The following BOD1L1 variants were observed in gnomAD, a reference collection of about 807,000 sequenced individuals.
BOD1L1 encodes the protein biorientation of chromosomes in cell division protein 1-like 1.
Under a neutral mutation model 240.7 loss-of-function variants are expected in BOD1L1, and 86 were observed. That is an observed-to-expected ratio of 0.36 (90% confidence interval 0.30 to 0.43). BOD1L1 has a LOEUF of 0.43. Ranked by LOEUF, BOD1L1 falls within the 20% of genes least tolerant of loss-of-function variation. The pLI is 1.00. For synonymous variants in BOD1L1, 1,268 were observed against 1,272.3 expected (o/e 1.00, Z 0.07); for missense variants, 3,554 against 3,643.5 (o/e 0.98, Z 0.63).
Position 13,601,860 on chromosome 4 carries a change from A to C in BOD1L1, c.5040T>G (p.Phe1680Leu), listed in dbSNP as rs1326232526. 6.2e-7 allele frequency: 1 copy of C among 1,613,972 alleles called. No individual in the cohort carries two copies. Among genetic ancestry groups the C allele is most frequent in the South Asian group, 1.1e-5 (1 of 91,086 alleles). ...CTCCATCACTTTCAACTTCACTAAT[A>C]AAAGTAATAGTTCCTTCAACTATTT... Reference protein sequence around the residue: ...DSEIVEGTITFISEVESDGAV... With the variant: ...DSEIVEGTITLISEVESDGAV... The change falls in exon 10 of 26, where the codon TTT becomes TTG. Residue 1680 changes from phenylalanine (F) to leucine (L), a missense_variant. Physicochemically the swap from Phe to Leu is conservative, Grantham distance 22. Around this residue, in one of 2 missense-constraint regions of BOD1L1, gnomAD observed 3,393 missense variants for 3,427.1 expected, o/e 0.99. Transcript: ENST00000040738.
Position 13,603,712 on chromosome 4 carries a change from T to C in BOD1L1, c.3188A>G (p.Glu1063Gly). 1.2e-6 allele frequency: 2 copies of C among 1,614,010 alleles called. No individual in the cohort carries two copies. Among genetic ancestry groups the C allele is most frequent in the Non-Finnish European group, 1.7e-6 (2 of 1,179,878 alleles). ...GCACAACCTTCTACTTAATTTCTTT[T>C]CCATGAGTGAACTATTACCTCTGGC... ...EKARGNSSLM[E>G]KKLSRRLCEN... Residue 1063 changes from glutamate (E) to glycine (G), a missense_variant, in exon 10 of 26, where the codon GAA (glutamate) becomes GGA (glycine). Glu to Gly is a moderately conservative substitution (Grantham distance 98). Around this residue, in one of 2 missense-constraint regions of BOD1L1, gnomAD observed 3,393 missense variants for 3,427.1 expected, o/e 0.99. Transcript: ENST00000040738.
At position 13,599,245 on chromosome 4, in the gene BOD1L1, A is replaced by G; in HGVS notation, c.7655T>C (p.Leu2552Pro). The G allele has an allele frequency of 6.2e-7, 1 of 1,613,788 alleles. No homozygotes were observed. The highest frequency in any genetic ancestry group is 8.5e-7 in the Non-Finnish European group (1 of 1,179,762). The change falls in exon 10 of 26, where the codon CTT (leucine) becomes CCT (proline). Residue 2552 changes from leucine to proline, a missense_variant. By Grantham distance (98) the Leu-to-Pro change is moderately conservative. This residue lies in a region of BOD1L1 where 3,393 missense variants were observed against 3,427.1 expected (regional missense o/e 0.99). Transcript: ENST00000040738. Reference protein sequence around the residue: ...VQGTVAEHSFLPAEQQGSEDN... With the variant: ...VQGTVAEHSFPPAEQQGSEDN... ...TTCAGACCCCTGCTGCTCAGCAGGA[A>G]GAAAGGAATGCTCAGCCACGGTCCC...
At position 13,590,406 on chromosome 4, in the gene BOD1L1, C is replaced by T. The variant is rs1714108560; in HGVS notation, c.8189G>A (p.Ser2730Asn). ...SGFRTNEEIHSESYNKGEISS... is the reference protein window; with the variant it reads ...SGFRTNEEIHNESYNKGEISS... ...CTTACCTCCTTTGTTATAAGATTCG[C>T]TATGAATTTCTTCATTTGTTCTGAA... The change falls in exon 14 of 26, where the codon AGC becomes AAC. Residue 2730 changes from serine to asparagine, a missense_variant. By Grantham distance (46) the Ser-to-Asn change is conservative. This residue lies in a region of BOD1L1 where 3,393 missense variants were observed against 3,427.1 expected (regional missense o/e 0.99). Transcript: ENST00000040738. 4 of 1,511,932 alleles carry T rather than the reference C, an allele frequency of 2.6e-6. No individual in the cohort carries two copies. Among genetic ancestry groups the T allele is most frequent in the Non-Finnish European group, 3.6e-6 (4 of 1,102,966 alleles). 93.7% of individuals were successfully genotyped at this position (1,511,932 alleles called of 1,614,324 possible).
At chr4:13,583,379 T>C (rs1713391188) in intron 17 of BOD1L1, among the ~76,000 whole-genome samples, 1 of 152,232 alleles carries the variant, frequency 6.6e-6, no homozygotes, top group Non-Finnish European at 1.5e-5. Flanking sequence ...TAAATCCTCA[T>C]TTCTATTAAT....
Position 13,588,760 on chromosome 4 carries a change from C to T in BOD1L1, c.8242G>A (p.Ala2748Thr). Residue 2748 changes from alanine to threonine, a missense_variant, in exon 15 of 26, where the codon GCC becomes ACC. Transcript: ENST00000040738. ...ISSGRKDNAE[A>T]ISGHSVEADP... ...GCTTCAACACTGTGACCGCTTATGG[C>T]TTCTGCGTTGTCTTTTCTACCACTG... 6.2e-7 allele frequency: 1 copy of T among 1,604,374 alleles called. No homozygotes were observed. Among genetic ancestry groups the T allele is most frequent in the Non-Finnish European group, 8.5e-7 (1 of 1,175,270 alleles).
At position 13,572,802 on chromosome 4, in the gene BOD1L1, G is replaced by A. The variant is rs907844493; in HGVS notation, c.9039-2674C>T. 3.1e-6 allele frequency: 4 copies of A among 1,289,672 alleles called. No homozygotes were observed. In the African/African-American group the frequency reaches 4.6e-5, roughly 15 times the overall value. 79.9% of individuals were successfully genotyped at this position (1,289,672 alleles called of 1,614,324 possible). A position where few individuals can be genotyped will look rare whatever the true frequency, so the allele number is the denominator to read the frequency against. On this transcript the variant is annotated intron_variant, in intron 25 of 25. Transcript: ENST00000040738. The stretch of plus-strand genomic sequence containing the variant: ...GGAGAAACTGTGTCTGGGCTGCCAA[G>A]TTTGGATGTTGCACGTGCAGATGGC...
chr4:13,597,207 T>C, intron 10 of BOD1L1, 39 bp from the exon 11 acceptor site: 1 of 1,516,558 alleles, frequency 6.6e-7, no homozygotes, highest in Non-Finnish European at 9.0e-7. Context: ...TTTAAGAATT[T>C]GCTTGCAAAA....
rs1328169779 is a variant in BOD1L1, at chr4:13,601,397, C to T, written c.5503G>A (p.Ala1835Thr). ...AATGGTACATTAGTGCCTTCTTTGGCCACTGTGCTGTCCATTGCACTCTCT... is the reference window on the plus strand; with the variant it reads ...AATGGTACATTAGTGCCTTCTTTGGTCACTGTGCTGTCCATTGCACTCTCT... ...NGESAMDSTV[A>T]KEGTNVPLVA... The change falls in exon 10 of 26, where the codon GCC (alanine) becomes ACC (threonine). Residue 1835 changes from alanine (A) to threonine (T), a missense_variant. This residue lies in a region of BOD1L1 where 3,393 missense variants were observed against 3,427.1 expected (regional missense o/e 0.99). Transcript: ENST00000040738. The T allele has an allele frequency of 1.2e-6, 2 of 1,613,926 alleles. No individual in the cohort carries two copies. Among genetic ancestry groups the T allele is most frequent in the Non-Finnish European group, 1.7e-6 (2 of 1,179,910 alleles).
intron 5 of BOD1L1, 60 bp from the exon 6 acceptor site, chr4:13,611,160 T>C: frequency 7.7e-7 from 1 of 1,299,408 alleles, no homozygotes; most frequent in Non-Finnish European, 1.1e-6. Context: ...ATCAACATTA[T>C]GCTGTACAAG....
chr4:13,581,484 G>GT (rs1367403621), intron 19 of BOD1L1, among the ~76,000 whole-genome samples: 1 of 152,188 alleles, frequency 6.6e-6, no homozygotes, highest in African/African-American at 2.4e-5. Context: ...TTTTACTTCT[G>GT]TAATAAGTAT....
intron 2 of BOD1L1, among the ~76,000 whole-genome samples, chr4:13,617,640 A>T (rs1716716332): frequency 6.6e-6 from 1 of 152,212 alleles, no homozygotes; most frequent in South Asian, 2.1e-4. Flanking sequence ...TCTGTTGTAC[A>T]AATAAAAGCT....
intron 2 of BOD1L1, among the ~76,000 whole-genome samples, chr4:13,619,335 G>A (rs914989272): frequency 2.0e-5 from 3 of 147,628 alleles, no homozygotes; most frequent in Non-Finnish European, 4.5e-5. Context: ...GTAGAAGACC[G>A]TAAATCTAGT....
At position 13,582,753 on chromosome 4, in the gene BOD1L1, A is replaced by G. The variant is rs941686069; in HGVS notation, c.8434-17T>C. ...GTTCTCTTCCTATAGAGAAGTTGAA[A>G]AAGACTAGAACCTTCTTCAAACTGA... On this transcript the variant is annotated splice_polypyrimidine_tract_variant and intron_variant, in intron 17 of 25. Coordinates refer to ENST00000040738, the MANE Select transcript of BOD1L1 (RefSeq NM_148894.3). 1 of 1,544,108 alleles carries G rather than the reference A, an allele frequency of 6.5e-7. No homozygotes were observed. The highest frequency in any genetic ancestry group is 1.4e-5 in the African/African-American group (1 of 73,380).
intron 2 of BOD1L1, among the ~76,000 whole-genome samples, 162 bp from the exon 3 acceptor site, chr4:13,615,664 C>T (rs1490114592): frequency 6.6e-6 from 1 of 152,202 alleles, no homozygotes; most frequent in African/African-American, 2.4e-5. Context: ...AACTAAGTTT[C>T]ATGCTACAGT....
intron 8 of BOD1L1, among the ~76,000 whole-genome samples, chr4:13,607,808 A>G (rs1715832590): frequency 6.6e-6 from 1 of 152,232 alleles, no homozygotes; most frequent in Admixed American, 6.5e-5. Context: ...CTTCAAAATT[A>G]CTATCTTTTG....
chr4:13,570,192 G>C, intron 25 of BOD1L1, 64 bp from the exon 26 acceptor site: 1 of 1,210,234 alleles, frequency 8.3e-7, no homozygotes, highest in Non-Finnish European at 1.1e-6. Context: ...TAACTTGGGA[G>C]TTCCTTAAAA....
chr4:13,606,262 T>C (rs898516577), intron 9 of BOD1L1, among the ~76,000 whole-genome samples: 1 of 152,204 alleles, frequency 6.6e-6, no homozygotes, highest in East Asian at 1.9e-4. Context: ...TAATTTCTTA[T>C]AGAGAATTAT....
chr4:13,572,139 T>C (rs1270748791), intron 25 of BOD1L1, among the ~76,000 whole-genome samples: 1 of 152,192 alleles, frequency 6.6e-6, no homozygotes, highest in African/African-American at 2.4e-5. Context: ...AAGTGCCCAG[T>C]ACTGACCAGA....
chr4:13,599,955 C>T lies in BOD1L1; in HGVS notation c.6945G>A (p.Arg2315=). The change falls in exon 10 of 26, where the codon CGG becomes CGA. Residue 2315 remains arginine (R), a synonymous_variant. Transcript: ENST00000040738. ...MIGAVLQDED[R]LTITRVEDLS... The stretch of plus-strand genomic sequence containing the variant: ...AGTCTTCTACTCTTGTGATGGTGAG[C>T]CGATCTTCATCCTGGAGGACAGCAC... 1.9e-6 allele frequency: 3 copies of T among 1,612,486 alleles called. No homozygotes were observed. The highest frequency in any genetic ancestry group is 2.5e-6 in the Non-Finnish European group (3 of 1,179,196).
Sources: allele counts gnomAD v4.1 joint callset (sites outside exome capture counted in the v4.1 genomes callset), GRCh38; gene constraint gnomAD v4.1.1; regional missense constraint gnomAD v4.1.1; transcripts MANE v1.5; gene names NCBI Gene and HGNC (gene_info 2026-07-23, HGNC 2026-07-21).